The following ARHGEF40 variants were observed in gnomAD, a reference collection of about 807,000 sequenced individuals.
ARHGEF40 encodes the protein Rho guanine nucleotide exchange factor (GEF) 40.
A neutral mutation model predicts 165.9 loss-of-function variants in ARHGEF40; 98 were observed. The ratio of observed to expected loss-of-function variants is 0.59; its 90% confidence interval spans 0.50 to 0.70. ARHGEF40 has a LOEUF of 0.70. Among genes scored for constraint, ARHGEF40 ranks in the 30% least tolerant of loss-of-function variants. The pLI is 0.00. For missense variants in ARHGEF40, 1,815 were observed against 1,968.0 expected, an observed-to-expected ratio of 0.92 and a Z score of 1.47; for synonymous variants, 792 against 814.3, an observed-to-expected ratio of 0.97 and a Z score of 0.47.
chr14:21,078,881 A>C lies in ARHGEF40; in HGVS notation c.2247-3A>C. 6.2e-7 allele frequency: 1 copy of C among 1,611,948 alleles called. No individual in the cohort carries two copies. Among genetic ancestry groups the C allele is most frequent in the Non-Finnish European group, 8.5e-7 (1 of 1,178,134 alleles). ...GATTCATTCTTCTCTGCTCCTTCCC[A>C]AGGCTGGAGGGCCAAGGCCCAGCTA... On this transcript the variant is annotated splice_region_variant and splice_polypyrimidine_tract_variant and intron_variant, in intron 10 of 23. Coordinates refer to ENST00000298694, the MANE Select transcript of ARHGEF40 (RefSeq NM_018071.5).
In ARHGEF40 at chr14:21,084,785, T is replaced by C. The variant is rs751961274; in HGVS notation, c.3822T>C (p.His1274=). The change falls in exon 18 of 24, where the codon CAT becomes CAC. Residue 1274 remains histidine (H), a synonymous_variant. Transcript: ENST00000298694. The part of the protein sequence containing the change: ...IDLKEQGQLL[H]RDPFTVICGR... ...TGAAGGAGCAGGGACAGCTCTTGCA[T>C]CGAGACCCCTTCACTGTCATCTGTG... 4.3e-6 allele frequency: 7 copies of C among 1,613,958 alleles called. No individual in the cohort carries two copies. The African/African-American group carries it at 9.3e-5, about 22-fold the overall frequency.
At chr14:21,078,348 A>G (rs1395500050) in intron 9 of ARHGEF40, 25 bp from the exon 10 acceptor site, 2 of 1,597,016 alleles carry the variant, frequency 1.3e-6, no homozygotes, top group Middle Eastern at 1.7e-4. Context: ...TGGAACCCCA[A>G]CTGGCAACTC....
At chr14:21,086,248 G>A (rs140758238) in intron 19 of ARHGEF40, 82 of 234,178 alleles carry the variant, frequency 3.5e-4, no homozygotes, top group African/African-American at 1.7e-3. Context: ...ATGGTAGTAC[G>A]CACCTATAGT....
chr14:21,087,887 C>A, intron 21 of ARHGEF40, 81 bp from the exon 22 acceptor site: 1 of 1,592,302 alleles, frequency 6.3e-7, no homozygotes, highest in East Asian at 2.2e-5. Context: ...GGAGCTTTTT[C>A]TTCCCTGATG....
chr14:21,074,014 T>C lies in ARHGEF40; in HGVS notation c.284T>C (p.Leu95Pro). The change falls in exon 3 of 24, where the codon CTA (leucine) becomes CCA (proline). Residue 95 changes from leucine (L) to proline (P), a missense_variant. By Grantham distance (98) the Leu-to-Pro change is moderately conservative. Coordinates refer to ENST00000298694, the MANE Select transcript of ARHGEF40 (RefSeq NM_018071.5). The surrounding 1 kb of genome is among the most constrained non-coding windows in gnomAD (Gnocchi z 4.8). ...CAGGTGGTGGTGCAGCTAGCAGCCC[T>C]ACCCTGGCAACTGCTGCGCCCAGGA... is the stretch of plus-strand genomic sequence containing the variant. ...HEQVVVQLAA[L>P]PWQLLRPGDF... 1 of 1,613,930 alleles carries C rather than the reference T, an allele frequency of 6.2e-7. No individual in the cohort carries two copies. Among genetic ancestry groups the C allele is most frequent in the Non-Finnish European group, 8.5e-7 (1 of 1,180,016 alleles).
intron 1 of ARHGEF40, among the ~76,000 whole-genome samples, chr14:21,071,630 C>T (rs1886885434): frequency 1.3e-5 from 2 of 152,018 alleles, no homozygotes. Context: ...CTGCCGCGGC[C>T]GTTTCCTGTG....
At chr14:21,080,634 C>T in intron 11 of ARHGEF40, 26 bp from the exon 12 acceptor site, 1 of 1,599,806 alleles carries the variant, frequency 6.3e-7, no homozygotes, top group African/African-American at 1.3e-5. Context: ...CCATGACCCC[C>T]TGCCCTCCCA....
Position 21,078,252 on chromosome 14 carries a change from G to A in ARHGEF40, c.2110G>A (p.Ala704Thr), listed in dbSNP as rs1349807027. The change falls in exon 9 of 24, where the codon GCA becomes ACA. Residue 704 changes from alanine (A) to threonine (T), a missense_variant. Coordinates refer to ENST00000298694, the MANE Select transcript of ARHGEF40 (RefSeq NM_018071.5). ...VRQAIEELEG[A>T]AEPEEEEAVG... ...GCAGGCCATTGAGGAGCTGGAGGGAGCAGCAGAGCCAGAGGAAGAGGTATG... is the reference window on the plus strand; with the variant it reads ...GCAGGCCATTGAGGAGCTGGAGGGAACAGCAGAGCCAGAGGAAGAGGTATG... The A allele has an allele frequency of 6.2e-7, 1 of 1,614,070 alleles. No homozygotes were observed. Among genetic ancestry groups the A allele is most frequent in the Non-Finnish European group, 8.5e-7 (1 of 1,180,004 alleles).
At chr14:21,088,453 A>C (rs1361880803) in intron 22 of ARHGEF40, among the ~76,000 whole-genome samples, 1 of 151,504 alleles carries the variant, frequency 6.6e-6, no homozygotes, top group Non-Finnish European at 1.5e-5. Flanking sequence ...CTGAGGTGGG[A>C]GGATCACTTG....
chr14:21,073,869 C>T lies in ARHGEF40; in HGVS notation c.202-63C>T. On this transcript the variant is annotated intron_variant, in intron 2 of 23. Coordinates refer to ENST00000298694, the MANE Select transcript of ARHGEF40 (RefSeq NM_018071.5). The surrounding 1 kb of genome is among the most constrained non-coding windows in gnomAD (Gnocchi z 4.6). ...CCTGCCTAGGGTGGGCCCATTCTAA[C>T]TGCCCTCTCCTGCTGGTTTCTTCAG... 8 of 1,534,408 alleles carry T rather than the reference C, an allele frequency of 5.2e-6. No individual in the cohort carries two copies. Among genetic ancestry groups the T allele is most frequent in the Non-Finnish European group, 7.0e-6 (8 of 1,143,004 alleles).
upstream of ARHGEF40, chr14:21,070,282 C>T (rs1886595453): frequency 4.5e-6 from 5 of 1,123,240 alleles, no homozygotes; most frequent in South Asian, 1.2e-4. This position sits in a 1 kb window ranked among gnomAD's most constrained non-coding sequence, Gnocchi z 4.7. Flanking sequence ...GCCGCCACCG[C>T]GGCCGGAGCT....
At chr14:21,086,888 A>G in intron 19 of ARHGEF40, 113 bp from the exon 20 acceptor site, 1 of 780,212 alleles carries the variant, frequency 1.3e-6, no homozygotes. Flanking sequence ...AAAGGGAGGA[A>G]TGAGGATTGG....
chr14:21,074,970 C>A lies in ARHGEF40; in HGVS notation c.1240C>A (p.Leu414Ile). The A allele has an allele frequency of 6.2e-7, 1 of 1,611,268 alleles. No homozygotes were observed. The highest frequency in any genetic ancestry group is 8.5e-7 in the Non-Finnish European group (1 of 1,179,106). ...DKEDASHQEA[L>I]GNLPSPSEHK... ...GGAAGATGCCAGCCACCAAGAAGCC[C>A]TTGGCAATCTGCCCTCACCAAGTGA... The change falls in exon 3 of 24, where the codon CTT becomes ATT. Residue 414 changes from leucine to isoleucine, a missense_variant. Coordinates refer to ENST00000298694, the MANE Select transcript of ARHGEF40 (RefSeq NM_018071.5). The surrounding 1 kb of genome is among the most constrained non-coding windows in gnomAD (Gnocchi z 4.8).
In ARHGEF40 at chr14:21,086,923, G is replaced by T; in HGVS notation, c.4139-78G>T. The T allele has an allele frequency of 1.8e-4, 184 of 1,032,904 alleles. 1 individual carries two copies. Among genetic ancestry groups the T allele is most frequent in the Non-Finnish European group, 2.3e-4 (170 of 739,542 alleles). 64.0% of individuals were successfully genotyped at this position (1,032,904 alleles called of 1,614,324 possible). ...GGAAGGAACGAAAAAAAAAAAAAAA[G>T]AAAAAAATCAACCATGACATGCTAG... On this transcript the variant is annotated intron_variant, in intron 19 of 23. Transcript: ENST00000298694.
chr14:21,070,502 G>A lies in ARHGEF40; in HGVS notation c.3+103G>A. The A allele has an allele frequency of 7.5e-7, 1 of 1,331,948 alleles. No individual in the cohort carries two copies. The highest frequency in any genetic ancestry group is 9.7e-7 in the Non-Finnish European group (1 of 1,026,420). 82.5% of individuals were successfully genotyped at this position (1,331,948 alleles called of 1,614,324 possible). A position where few individuals can be genotyped will look rare whatever the true frequency, so the allele number is the denominator to read the frequency against. ...GTGCCTCCCGAGCCTGCCTCGGACT[G>A]TTCGGCCCCTCTGGGACTCTCCTCC... On this transcript the variant is annotated intron_variant, in intron 1 of 23. Coordinates refer to ENST00000298694, the MANE Select transcript of ARHGEF40 (RefSeq NM_018071.5). The surrounding 1 kb of genome is among the most constrained non-coding windows in gnomAD (Gnocchi z 4.7).
chr14:21,075,205 A>T lies in ARHGEF40; in HGVS notation c.1450+25A>T, dbSNP rs115421565. 1.8e-3 allele frequency: 2,925 copies of T among 1,583,412 alleles called. 61 individuals carry two copies. The African/African-American group carries it at 0.034, about 18-fold the overall frequency. ...GGTGAGATGACACGGAGTGAGGCTC[A>T]TGGGGCAAGGGCCAAAGCAGGTCGG... On this transcript the variant is annotated intron_variant, in intron 3 of 23. Coordinates refer to ENST00000298694, the MANE Select transcript of ARHGEF40 (RefSeq NM_018071.5). This position sits in a 1 kb window ranked among gnomAD's most constrained non-coding sequence, Gnocchi z 4.5.
At position 21,070,587 on chromosome 14, in the gene ARHGEF40, G is replaced by A. The variant is rs574697341; in HGVS notation, c.3+188G>A. On this transcript the variant is annotated intron_variant, in intron 1 of 23. Coordinates refer to ENST00000298694, the MANE Select transcript of ARHGEF40 (RefSeq NM_018071.5). The surrounding 1 kb of genome is among the most constrained non-coding windows in gnomAD (Gnocchi z 4.7). ...CCGACTGTTTAGCTCTGTCCCCACCGGGTATTGCCCTCACCCTTTCTTCCT... is the reference window on the plus strand; with the variant it reads ...CCGACTGTTTAGCTCTGTCCCCACCAGGTATTGCCCTCACCCTTTCTTCCT... 1.3e-5 allele frequency among the ~76,000 whole-genome samples: 2 copies of A among 151,496 alleles called. No individual in the cohort carries two copies. Among genetic ancestry groups the A allele is most frequent in the Admixed American group, 1.3e-4 (2 of 15,232 alleles).
chr14:21,081,077 C>A, intron 13 of ARHGEF40, 61 bp downstream of exon 13: 1 of 1,556,056 alleles, frequency 6.4e-7, no homozygotes, highest in Non-Finnish European at 8.7e-7. Flanking sequence ...TTCCTTTCTG[C>A]CTGGAGAGGC....
Position 21,072,714 on chromosome 14 carries a change from T to A in ARHGEF40, c.4-331T>A, listed in dbSNP as rs896104177. Among the ~76,000 whole-genome samples the A allele has an allele frequency of 1.3e-5, 2 of 152,086 alleles. No individual in the cohort carries two copies. Among genetic ancestry groups the A allele is most frequent in the African/African-American group, 4.8e-5 (2 of 41,390 alleles). On this transcript the variant is annotated intron_variant, in intron 1 of 23. Transcript: ENST00000298694. The surrounding 1 kb of genome is among the most constrained non-coding windows in gnomAD (Gnocchi z 4.1). ...TCCCCTGATAGCCCAGAAGCCTGTC[T>A]TTTCTCTCCTGGGAAAGATCTATGC...
Sources: gnomAD v4.1 joint callset for allele counts (sites outside exome capture counted in the v4.1 genomes callset) on GRCh38, gnomAD v4.1.1 for gene constraint, Gnocchi (gnomAD v3.1) non-coding constraint, MANE v1.5 for transcripts, NCBI Gene and HGNC (gene_info 2026-07-23, HGNC 2026-07-21) for gene names.